CRB1: variants seen among roughly 807,000 people sequenced by gnomAD.
The protein encoded by CRB1 is crumbs cell polarity complex component 1, also known as protein crumbs homolog 1.
A neutral mutation model predicts 120.0 loss-of-function variants in CRB1; 83 were observed. The ratio of observed to expected loss-of-function variants is 0.69; its 90% CI spans 0.58 to 0.83. CRB1 has a LOEUF of 0.83. CRB1 is among the 40% of genes least tolerant of loss of function. The pLI is 0.00. For synonymous variants in CRB1, 625 were observed against 612.5 expected, an observed-to-expected ratio of 1.02 and a Z score of -0.30; for missense variants, 1,699 against 1,687.6, an observed-to-expected ratio of 1.01 and a Z score of -0.12.
chr1:197,433,107 G>A lies in CRB1; in HGVS notation c.2843-1599G>A, dbSNP rs192170083. The stretch of plus-strand genomic sequence containing the variant: ...GACGGGGTCTTATTATGTTGCCCAG[G>A]ATAGTCTCAAACTGCTGACTTCAAG... On this transcript the variant is annotated intron_variant, in intron 8 of 11. Coordinates refer to ENST00000367400, the MANE Select transcript of CRB1 (RefSeq NM_201253.3). Among the ~76,000 whole-genome samples, 439 of 151,500 alleles carry A rather than the reference G, an allele frequency of 2.9e-3. 4 individuals carry two copies. The highest frequency in any genetic ancestry group is 9.1e-4 in the Non-Finnish European group (62 of 67,892).
At chr1:197,411,596 T>A (rs181394709) in intron 5 of CRB1, among the ~76,000 whole-genome samples, 6 of 152,270 alleles carry the variant, frequency 3.9e-5, no homozygotes, top group Admixed American at 3.9e-4. Context: ...TTCCATTCTG[T>A]CCCAACCAAT....
At chr1:197,292,996 T>A (rs538840583) in intron 1 of CRB1, among the ~76,000 whole-genome samples, 1 of 152,194 alleles carries the variant, frequency 6.6e-6, no homozygotes, top group Non-Finnish European at 1.5e-5. Context: ...CTTTCAAAAC[T>A]GACACAAGAC....
the CRB1 span, chr1:197,222,842 A>G: frequency 2.0e-6 from 3 of 1,512,996 alleles, no homozygotes; most frequent in Admixed American, 3.3e-5. Flanking sequence ...CTCCTGATTT[A>G]TATTCACTGG....
At chr1:197,371,959 C>G (rs573767004) in intron 5 of CRB1, among the ~76,000 whole-genome samples, 1 of 152,234 alleles carries the variant, frequency 6.6e-6, no homozygotes, top group African/African-American at 2.4e-5. Context: ...CCAGGACACA[C>G]AGGGCCCATG....
At chr1:197,338,400 G>A (rs1659273637) in intron 2 of CRB1, among the ~76,000 whole-genome samples, 1 of 152,118 alleles carries the variant, frequency 6.6e-6, no homozygotes, top group African/African-American at 2.4e-5. Context: ...CACAGAATTA[G>A]AAGAAACTGT....
chr1:197,268,344 C>T lies in CRB1; in HGVS notation c.-69C>T. 1 of 1,132,726 alleles carries T rather than the reference C, an allele frequency of 8.8e-7. No homozygotes were observed. Among genetic ancestry groups the T allele is most frequent in the Non-Finnish European group, 1.3e-6 (1 of 741,518 alleles). 70.2% of individuals were successfully genotyped at this position (1,132,726 alleles called of 1,614,324 possible). On this transcript the variant is annotated 5_prime_UTR_variant, in exon 1 of 12. Transcript: ENST00000367400. ...GGCACCCGCTCCTCTCTGAGACAGA[C>T]AGGGATCAGGAGCCGGACTGGGACC...
the CRB1 span, among the ~76,000 whole-genome samples, chr1:197,241,701 GTT>G: frequency 7.2e-6 from 1 of 138,876 alleles, no homozygotes; most frequent in Non-Finnish European, 1.6e-5. Context: ...TTTTAAAGTA[GTT>G]TTTTTTTTTT....
At chr1:197,341,013 A>G (rs1241892035) in intron 2 of CRB1, among the ~76,000 whole-genome samples, 1 of 152,138 alleles carries the variant, frequency 6.6e-6, no homozygotes, top group Admixed American at 6.5e-5. Context: ...TTGTGCAGGG[A>G]AACTCCCCCT....
rs142314429 is a variant in CRB1, at chr1:197,273,791, T to C, written c.70+5309T>C. Among the ~76,000 whole-genome samples the C allele has an allele frequency of 5.6e-3, 857 of 152,184 alleles. 9 individuals carry two copies. Among genetic ancestry groups the C allele is most frequent in the African/African-American group, 0.02 (819 of 41,546 alleles). ...TGGGGTGCTTTTTAAAAAAGGATTT[T>C]CTTCCTTTATGGCTCTACAATCCCT... is the stretch of plus-strand genomic sequence containing the variant. On this transcript the variant is annotated intron_variant, in intron 1 of 11. Transcript: ENST00000367400.
intron 5 of CRB1, among the ~76,000 whole-genome samples, chr1:197,365,292 C>T (rs61829425): frequency 0.061 from 9,332 of 152,234 alleles, 386 homozygotes; most frequent in Non-Finnish European, 0.097. Flanking sequence ...TGGTGAGCTT[C>T]TCCCTGTCTC....
intron 11 of CRB1, among the ~76,000 whole-genome samples, chr1:197,467,431 C>T (rs1666798204): frequency 6.6e-6 from 1 of 152,100 alleles, no homozygotes; most frequent in Non-Finnish European, 1.5e-5. Context: ...TCTATAACCA[C>T]AATGCTAGTA....
chr1:197,327,239 A>G (rs932366102), intron 1 of CRB1, among the ~76,000 whole-genome samples: 1 of 152,166 alleles, frequency 6.6e-6, no homozygotes, highest in African/African-American at 2.4e-5. Flanking sequence ...TGCTAAATAG[A>G]AAAGTCAATG....
At chr1:197,243,600 G>A in the CRB1 span, among the ~76,000 whole-genome samples, 923 of 152,138 alleles carry the variant, frequency 6.1e-3, 15 homozygotes, top group African/African-American at 0.022. Context: ...CAATTATCTC[G>A]TCAATTTTAG....
chr1:197,378,236 A>G (rs1194498803), intron 5 of CRB1, among the ~76,000 whole-genome samples: 1 of 152,222 alleles, frequency 6.6e-6, no homozygotes, highest in Non-Finnish European at 1.5e-5. Flanking sequence ...ACAATGATAT[A>G]GATGTCAGCC....
intron 5 of CRB1, among the ~76,000 whole-genome samples, chr1:197,407,518 C>T (rs1015171260): frequency 5.9e-5 from 9 of 152,122 alleles, no homozygotes; most frequent in Non-Finnish European, 1.0e-4. Flanking sequence ...TTATTTCCTG[C>T]GATCAGAGCT....
intron 1 of CRB1, among the ~76,000 whole-genome samples, chr1:197,325,748 A>T (rs1658458119): frequency 6.6e-6 from 1 of 152,232 alleles, no homozygotes; most frequent in South Asian, 2.1e-4. Flanking sequence ...GTTCCAGAAC[A>T]ATGAATAAAT....
At chr1:197,348,734 C>T (rs1659921170) in intron 4 of CRB1, among the ~76,000 whole-genome samples, 2 of 152,120 alleles carry the variant, frequency 1.3e-5, no homozygotes, top group South Asian at 4.1e-4. Context: ...CCTCAGCCTC[C>T]CAAAGTGCTG....
chr1:197,221,751 T>A, the CRB1 span, among the ~76,000 whole-genome samples: 896 of 152,302 alleles, frequency 5.9e-3, 8 homozygotes, highest in African/African-American at 0.018. Flanking sequence ...CACTATAAAA[T>A]TGGGGTTGGG....
At chr1:197,327,102 A>AC (rs113527124) in intron 1 of CRB1, among the ~76,000 whole-genome samples, 16,402 of 69,164 alleles carry the variant, frequency 0.24, 1,947 homozygotes, top group African/African-American at 0.42. Flanking sequence ...AAAAAAAAAA[A>AC]AAAAAAAAAA....
Sources: gnomAD v4.1 joint callset for allele counts (sites outside exome capture counted in the v4.1 genomes callset) on GRCh38, gnomAD v4.1.1 for gene constraint, MANE v1.5 for transcripts, NCBI Gene and HGNC (gene_info 2026-07-23, HGNC 2026-07-21) for gene names.